Variants in MMP25 observed in about 807,000 individuals in gnomAD.
MMP25 encodes the protein matrix metalloproteinase-25.
A neutral mutation model predicts 62.1 loss-of-function variants in MMP25; 68 were observed. That is an observed-to-expected ratio of 1.10 (90% confidence interval 0.90 to 1.34). The LOEUF (loss-of-function observed/expected upper bound fraction) is 1.34. Among genes scored for constraint, MMP25 ranks in the 40% most tolerant of loss-of-function variants. MMP25 has a pLI of 0.00. For synonymous variants in MMP25, 407 were observed against 345.6 expected (o/e 1.18, Z -1.97); for missense variants, 942 against 792.5 (o/e 1.19, Z -2.26).
At position 3,058,896 on chromosome 16, in the gene MMP25, A is replaced by G; in HGVS notation, c.1487A>G (p.Asp496Gly). The change falls in exon 10 of 10, where the codon GAC (aspartate) becomes GGC (glycine). Residue 496 changes from aspartate to glycine, a missense_variant. Asp to Gly is a moderately conservative substitution (Grantham distance 94). Coordinates refer to ENST00000336577, the MANE Select transcript of MMP25 (RefSeq NM_022468.5). ...AAGAACAGCATCAAGACCGAGCCGG[A>G]CGCCCCCCAGCCCATGGGGCCCAAC... The part of the protein sequence containing the change: ...FPKNSIKTEP[D>G]APQPMGPNWL... 1 of 1,554,728 alleles carries G rather than the reference A, an allele frequency of 6.4e-7. No individual in the cohort carries two copies. The highest frequency in any genetic ancestry group is 8.7e-7 in the Non-Finnish European group (1 of 1,149,070).
intron 1 of MMP25, 27 bp downstream of exon 1, chr16:3,047,043 G>C: frequency 7.1e-7 from 1 of 1,416,206 alleles, no homozygotes; most frequent in Non-Finnish European, 9.2e-7. Flanking sequence ...CAGGCTCCTG[G>C]GGTCTGCAGA....
In MMP25 at chr16:3,058,253, G is replaced by A. The variant is rs1956048058; in HGVS notation, c.1079G>A (p.Trp360Ter). 1.2e-6 allele frequency: 2 copies of A among 1,611,488 alleles called. No homozygotes were observed. Among genetic ancestry groups the A allele is most frequent in the African/African-American group, 2.7e-5 (2 of 74,622 alleles). Residue 360 changes from tryptophan (W) to a stop codon, truncating the protein, a stop_gained, in exon 8 of 10, where the codon TGG becomes TAG. Coordinates refer to ENST00000336577, the MANE Select transcript of MMP25 (RefSeq NM_022468.5). LOFTEE classifies it high-confidence loss of function. The part of the protein sequence containing the change: ...SPRPARLHRF[W>*]EGLPAQVRVV... Reference sequence around the variant, plus strand: ...CGACCCGCACGGCTGCACCGCTTCTGGGAGGGGCTGCCCGCCCAGGTGAGG... The same window carrying A: ...CGACCCGCACGGCTGCACCGCTTCTAGGAGGGGCTGCCCGCCCAGGTGAGG...
At chr16:3,057,500 C>G (rs763259703) in intron 6 of MMP25, 31 bp from the exon 7 acceptor site, 207 of 1,606,758 alleles carry the variant, frequency 1.3e-4, no homozygotes, top group Non-Finnish European at 1.6e-4. Context: ...AACAAACCCC[C>G]CTCTCTACTC....
chr16:3,047,516 G>T lies in MMP25; in HGVS notation c.201G>T (p.Arg67Ser). The T allele has an allele frequency of 6.2e-7, 1 of 1,613,726 alleles. No individual in the cohort carries two copies. The highest frequency in any genetic ancestry group is 8.5e-7 in the Non-Finnish European group (1 of 1,179,954). ...GCGATGCCATCAAAGTCATGCAGAG[G>T]TTCGCGGGGCTGCCGGAGACCGGCC... ...KLRDAIKVMQ[R>S]FAGLPETGRM... is the part of the protein sequence containing the mutation. Residue 67 changes from arginine (R) to serine (S), a missense_variant, in exon 2 of 10, where the codon AGG becomes AGT. Physicochemically the swap from Arg to Ser is moderately radical, Grantham distance 110. Transcript: ENST00000336577.
Position 3,060,153 on chromosome 16 carries a change from T to TC in MMP25, c.*1059dup, listed in dbSNP as rs1956089219. On this transcript the variant is annotated 3_prime_UTR_variant, in exon 10 of 10. Coordinates refer to ENST00000336577, the MANE Select transcript of MMP25 (RefSeq NM_022468.5). ...GGCACCTCGTTCACCCTGTCCCCAC[T>TC]CCCCACAGTTTTAGGATCTAAATGA... is the stretch of plus-strand genomic sequence containing the variant. The TC allele has an allele frequency of 6.6e-6, 1 of 152,108 alleles. No individual in the cohort carries two copies. The highest frequency in any genetic ancestry group is 1.5e-5 in the Non-Finnish European group (1 of 68,062). 9.4% of individuals were successfully genotyped at this position (152,108 alleles called of 1,614,324 possible).
rs1453963662 is a variant in MMP25 at position 3,046,903 on chromosome 16, G to T, written c.-15G>T. On this transcript the variant is annotated 5_prime_UTR_variant, in exon 1 of 10. Transcript: ENST00000336577. Reference sequence around the variant, plus strand: ...CCCCTTCGAACCCCGCCGGCGGCCCGGGCTGGGGCGCACCATGCGGCTGCG... The same window carrying T: ...CCCCTTCGAACCCCGCCGGCGGCCCTGGCTGGGGCGCACCATGCGGCTGCG... 2 of 1,395,074 alleles carry T rather than the reference G, an allele frequency of 1.4e-6. No homozygotes were observed. The highest frequency in any genetic ancestry group is 1.9e-6 in the Non-Finnish European group (2 of 1,073,798). The allele number at this position is 1,395,074 out of a possible 1,614,324, so 86.4% of individuals were successfully genotyped here.
intron 7 of MMP25, 90 bp downstream of exon 7, chr16:3,057,703 C>A: frequency 5.9e-6 from 7 of 1,182,312 alleles, no homozygotes; most frequent in Non-Finnish European, 8.9e-6. Flanking sequence ...GGAAGCGGAA[C>A]TTTTTTCTTC....
rs1376200725 is a variant in MMP25, at chr16:3,057,111, C to A, written c.740C>A (p.Pro247His). 6.2e-7 allele frequency: 1 copy of A among 1,613,428 alleles called. No individual in the cohort carries two copies. The highest frequency in any genetic ancestry group is 1.1e-5 in the South Asian group (1 of 90,946). ...HALGLGHSSA[P>H]NSIMRPFYQG... The stretch of plus-strand genomic sequence containing the variant: ...CTGGGCCTGGGCCACTCCTCAGCCC[C>A]CAACTCCATTATGAGGCCCTTCTAC... The change falls in exon 5 of 10, where the codon CCC becomes CAC. Residue 247 changes from proline (P) to histidine (H), a missense_variant. Physicochemically the swap from Pro to His is moderately conservative, Grantham distance 77. Coordinates refer to ENST00000336577, the MANE Select transcript of MMP25 (RefSeq NM_022468.5).
chr16:3,047,451 C>A lies in MMP25; in HGVS notation c.136C>A (p.His46Asn). ...LTRYGYLPPP[H>N]PAQAQLQSPE... ...TCGCTATGGTTACCTGCCGCCACCCCACCCTGCCCAGGCCCAGCTGCAGAG... is the reference window on the plus strand; with the variant it reads ...TCGCTATGGTTACCTGCCGCCACCCAACCCTGCCCAGGCCCAGCTGCAGAG... Residue 46 changes from histidine to asparagine, a missense_variant, in exon 2 of 10, where the codon CAC (histidine) becomes AAC (asparagine). His to Asn is a moderately conservative substitution (Grantham distance 68). Transcript: ENST00000336577. 1 of 1,613,878 alleles carries A rather than the reference C, an allele frequency of 6.2e-7. No individual in the cohort carries two copies. Among genetic ancestry groups the A allele is most frequent in the South Asian group, 1.1e-5 (1 of 91,078 alleles).
chr16:3,058,903 C>A lies in MMP25; in HGVS notation c.1494C>A (p.Pro498=). The A allele has an allele frequency of 6.4e-7, 1 of 1,555,090 alleles. No homozygotes were observed. Among genetic ancestry groups the A allele is most frequent in the East Asian group, 2.4e-5 (1 of 41,860 alleles). ...KNSIKTEPDA[P]QPMGPNWLDC... Reference sequence around the variant, plus strand: ...GCATCAAGACCGAGCCGGACGCCCCCCAGCCCATGGGGCCCAACTGGCTGG... The same window carrying A: ...GCATCAAGACCGAGCCGGACGCCCCACAGCCCATGGGGCCCAACTGGCTGG... Residue 498 remains proline, a synonymous_variant, in exon 10 of 10, where the codon CCC becomes CCA. Coordinates refer to ENST00000336577, the MANE Select transcript of MMP25 (RefSeq NM_022468.5).
At position 3,056,607 on chromosome 16, in the gene MMP25, A is replaced by C. The variant is rs138541156; in HGVS notation, c.662-426A>C. ...TTAAAATTTTTTTGTAGAGATGGGG[A>C]TCTCCTTATGTTGTCCAGGCCAGTC... is the stretch of plus-strand genomic sequence containing the variant. On this transcript the variant is annotated intron_variant, in intron 4 of 9. Coordinates refer to ENST00000336577, the MANE Select transcript of MMP25 (RefSeq NM_022468.5). Among the ~76,000 whole-genome samples the C allele has an allele frequency of 4.3e-3, 648 of 151,908 alleles. 15 individuals are homozygous for C. The highest frequency in any genetic ancestry group is 0.03 in the Admixed American group (463 of 15,244).
In MMP25 at chr16:3,059,194, GTCT is replaced by G. The variant is rs1477542824; in HGVS notation, c.*97_*99del. 2 of 1,369,026 alleles carry G rather than the reference GTCT, an allele frequency of 1.5e-6. No homozygotes were observed. The highest frequency in any genetic ancestry group is 5.2e-5 in the East Asian group (2 of 38,320). The allele number at this position is 1,369,026 out of a possible 1,614,324, so 84.8% of individuals were successfully genotyped here. Reference sequence around the variant, plus strand: ...TTGTGAGGCGCTGCGGAGGCCCCTTGTCTGTTCCCACGGACGGGGGCTCGGGCG... The same window carrying G: ...TTGTGAGGCGCTGCGGAGGCCCCTTGGTTCCCACGGACGGGGGCTCGGGCG... On this transcript the variant is annotated 3_prime_UTR_variant, in exon 10 of 10. Coordinates refer to ENST00000336577, the MANE Select transcript of MMP25 (RefSeq NM_022468.5).
chr16:3,050,576 C>T (rs763313329), intron 4 of MMP25, 30 bp downstream of exon 4: 3 of 1,498,568 alleles, frequency 2.0e-6, no homozygotes, highest in South Asian at 1.3e-5. Flanking sequence ...GAGAGATCCT[C>T]TTGCCAGGTC....
chr16:3,058,732 G>T, intron 9 of MMP25, 63 bp downstream of exon 9: 1 of 1,536,444 alleles, frequency 6.5e-7, no homozygotes, highest in Non-Finnish European at 8.8e-7. Context: ...TGTGGGGAAT[G>T]GGGACATGGA....
In MMP25 at chr16:3,057,190, T is replaced by A; in HGVS notation, c.819T>A (p.Asp273Glu). 6.2e-7 allele frequency: 1 copy of A among 1,612,760 alleles called. No homozygotes were observed. The highest frequency in any genetic ancestry group is 8.5e-7 in the Non-Finnish European group (1 of 1,179,380). The change falls in exon 5 of 10, where the codon GAT becomes GAA. Residue 273 changes from aspartate to glutamate, a missense_variant. By Grantham distance (45) the Asp-to-Glu change is conservative. Coordinates refer to ENST00000336577, the MANE Select transcript of MMP25 (RefSeq NM_022468.5). ...DKYRLSQDDR[D>E]GLQQLYGKAP... ...ACCGCCTGTCTCAGGATGACCGCGA[T>A]GGCCTGCAGCAACTCTATGGTAGGG... is the stretch of plus-strand genomic sequence containing the variant.
At chr16:3,048,983 T>C (rs142057122) in intron 2 of MMP25, among the ~76,000 whole-genome samples, 1 of 151,950 alleles carries the variant, frequency 6.6e-6, no homozygotes, top group East Asian at 1.9e-4. Context: ...TTTTTTTGTA[T>C]GTTTAGTAGA....
chr16:3,050,636 C>A, intron 4 of MMP25, 90 bp downstream of exon 4: 1 of 1,327,086 alleles, frequency 7.5e-7, no homozygotes, highest in Non-Finnish European at 1.0e-6. Context: ...GTTTAAGAAA[C>A]AAGGTCTTGC....
rs139070896 is a variant in MMP25 at position 3,057,083 on chromosome 16, G to A, written c.712G>A (p.Ala238Thr). Reference protein sequence around the residue: ...FAVAVHEFGHALGLGHSSAPN... With the variant: ...FAVAVHEFGHTLGLGHSSAPN... ...CGTGGCTGTCCATGAGTTTGGCCAC[G>A]CCCTGGGCCTGGGCCACTCCTCAGC... The change falls in exon 5 of 10, where the codon GCC becomes ACC. Residue 238 changes from alanine (A) to threonine (T), a missense_variant. Ala to Thr is a moderately conservative substitution (Grantham distance 58). Transcript: ENST00000336577. 1.6e-5 allele frequency: 25 copies of A among 1,608,988 alleles called. No individual in the cohort carries two copies. Among genetic ancestry groups the A allele is most frequent in the Admixed American group, 3.4e-5 (2 of 59,114 alleles).
At chr16:3,051,166 G>A (rs1567124769) in intron 4 of MMP25, 1 of 152,308 alleles carries the variant, frequency 6.6e-6, no homozygotes, top group Non-Finnish European at 1.5e-5. Context: ...AAAACCAACA[G>A]GATGTGTGTG....
Sources: allele counts gnomAD v4.1 joint callset (sites outside exome capture counted in the v4.1 genomes callset), GRCh38; gene constraint gnomAD v4.1.1; transcripts MANE v1.5; gene names NCBI Gene and HGNC (gene_info 2026-07-23, HGNC 2026-07-21).